The following NME9 variants were observed in gnomAD, a reference collection of about 807,000 sequenced individuals.
NME9 encodes the protein NME/NM23 family member 9, also known as thioredoxin domain-containing protein 6.
Under a neutral mutation model 44.4 loss-of-function variants are expected in NME9, and 48 were observed. The observed-to-expected ratio is 1.08, with a 90% CI of 0.86 to 1.37. The LOEUF (loss-of-function observed/expected upper bound fraction) is 1.37, where lower values mean the gene tolerates loss of function less well. NME9 is among the 40% of genes most tolerant of loss of function. The probability of loss-of-function intolerance (pLI) is 0.00; values close to 1 mark genes in which losing one functional copy is unlikely to be tolerated. For synonymous variants in NME9, 139 were observed against 147.1 expected (o/e 0.94, Z 0.40); for missense variants, 325 against 405.2 (o/e 0.80, Z 1.70).
chr3:138,313,062 G>A (rs558007927), intron 6 of NME9, among the ~76,000 whole-genome samples: 8 of 152,214 alleles, frequency 5.3e-5, no homozygotes, highest in South Asian at 2.1e-4. Context: ...ACAATAAGAT[G>A]TCATCTCACC....
chr3:138,282,962 A>G (rs2050080986), intron 8 of NME9, among the ~76,000 whole-genome samples: 1 of 152,224 alleles, frequency 6.6e-6, no homozygotes, highest in Non-Finnish European at 1.5e-5. Context: ...GTGCTTATGT[A>G]CCAGATCACC....
At position 138,301,541 on chromosome 3, in the gene NME9, A is replaced by C; in HGVS notation, c.*99T>G. 6.7e-7 allele frequency: 1 copy of C among 1,493,660 alleles called. No homozygotes were observed. The highest frequency in any genetic ancestry group is 1.4e-5 in the African/African-American group (1 of 71,422). The allele number at this position is 1,493,660 out of a possible 1,614,324, so 92.5% of individuals were successfully genotyped here. A position where few individuals can be genotyped will look rare whatever the true frequency, so the allele number is the denominator to read the frequency against. On this transcript the variant is annotated 3_prime_UTR_variant, in exon 11 of 11. Transcript: ENST00000333911. ...ATTGTCTACAAAAGACAGCTAAACC[A>C]AAAAGTATTGGTACTCAAAAGAGTA... is the stretch of plus-strand genomic sequence containing the variant.
intron 2 of NME9, among the ~76,000 whole-genome samples, 177 bp from the exon 3 acceptor site, chr3:138,319,758 G>C (rs918404090): frequency 2.6e-5 from 4 of 152,182 alleles, no homozygotes; most frequent in African/African-American, 9.7e-5. Flanking sequence ...AACACAGCTA[G>C]TCCTCATTCT....
intron 8 of NME9, chr3:138,289,244 C>G (rs1237142433): frequency 1.4e-6 from 1 of 720,722 alleles, no homozygotes; most frequent in Non-Finnish European, 2.3e-6. Flanking sequence ...GGCCCAAGCA[C>G]CCTCTAGAGT....
At chr3:138,268,681 C>G (rs1051774397) in intron 8 of NME9, among the ~76,000 whole-genome samples, 5 of 152,044 alleles carry the variant, frequency 3.3e-5, no homozygotes, top group Admixed American at 3.3e-4. Flanking sequence ...GAGGCCGAGG[C>G]AGGAGAATTG....
intron 8 of NME9, among the ~76,000 whole-genome samples, chr3:138,273,471 C>T (rs2048974664): frequency 6.6e-6 from 1 of 152,208 alleles, no homozygotes; most frequent in Non-Finnish European, 1.5e-5. Flanking sequence ...TCTCTGGGGC[C>T]TCTGCTTCTT....
intron 8 of NME9, among the ~76,000 whole-genome samples, chr3:138,292,046 T>C (rs1329940720): frequency 1.3e-5 from 2 of 152,184 alleles, no homozygotes; most frequent in Non-Finnish European, 2.9e-5. Context: ...CTTTCTTTTC[T>C]TTTCTTTCGA....
chr3:138,324,956 G>T, intron 1 of NME9, 26 bp from the exon 2 acceptor site: 3 of 1,592,234 alleles, frequency 1.9e-6, no homozygotes, highest in Non-Finnish European at 2.6e-6. Flanking sequence ...ATCAAATGCC[G>T]TATTACTGAG....
intron 8 of NME9, among the ~76,000 whole-genome samples, chr3:138,271,114 C>A (rs1179750044): frequency 6.6e-6 from 1 of 152,166 alleles, no homozygotes; most frequent in Admixed American, 6.6e-5. Flanking sequence ...GCTATATCTG[C>A]TGTGTTTTTA....
chr3:138,266,906 C>G (rs1474788870), intron 8 of NME9, among the ~76,000 whole-genome samples: 2 of 152,156 alleles, frequency 1.3e-5, no homozygotes, highest in Non-Finnish European at 2.9e-5. Flanking sequence ...ATGTCTCTCT[C>G]CTCCCTGCAA....
At chr3:138,275,298 C>A (rs1198475652) in intron 8 of NME9, among the ~76,000 whole-genome samples, 1 of 152,190 alleles carries the variant, frequency 6.6e-6, no homozygotes, top group Non-Finnish European at 1.5e-5. Flanking sequence ...TGGCTCATGC[C>A]TGTAATCCCA....
rs958361684 is a variant in NME9 at position 138,263,502 on chromosome 3, A to G, written c.746-916T>C. On this transcript the variant is annotated intron_variant, in intron 8 of 8. Transcript: ENST00000317876. ...ATTTTTGTGTTAAATGTCTTTAAAA[A>G]TAAACAACATAACCTGCCCCTTACG... 1.1e-5 allele frequency: 6 copies of G among 532,884 alleles called. No individual in the cohort carries two copies. In the African/African-American group the frequency reaches 1.1e-4, roughly 10 times the overall value. 33.0% of individuals were successfully genotyped at this position (532,884 alleles called of 1,614,324 possible). A position where few individuals can be genotyped will look rare whatever the true frequency, so the allele number is the denominator to read the frequency against.
At chr3:138,280,212 C>CT (rs1040240378) in intron 8 of NME9, among the ~76,000 whole-genome samples, 2 of 151,696 alleles carry the variant, frequency 1.3e-5, no homozygotes, top group African/African-American at 4.8e-5. Flanking sequence ...CTGGTAATTC[C>CT]TTTTTTCCTG....
intron 1 of NME9, among the ~76,000 whole-genome samples, chr3:138,327,826 T>A (rs2053888438): frequency 6.6e-6 from 1 of 152,108 alleles, no homozygotes; most frequent in Non-Finnish European, 1.5e-5. Context: ...CTCAGAGCTC[T>A]GAGTAATACA....
intron 4 of NME9, among the ~76,000 whole-genome samples, 179 bp from the exon 5 acceptor site, chr3:138,315,822 TTTTGTTTG>T (rs555409101): frequency 7.9e-5 from 12 of 152,028 alleles, no homozygotes; most frequent in East Asian, 5.8e-4. Context: ...CTCCTAGGTT[TTTTGTTTG>T]TTTGTTTGTT....
intron 8 of NME9, among the ~76,000 whole-genome samples, chr3:138,274,020 G>C (rs1418539262): frequency 6.6e-6 from 1 of 152,024 alleles, no homozygotes; most frequent in African/African-American, 2.4e-5. Flanking sequence ...GTTTTGCCGT[G>C]TTGGCCAGGC....
intron 8 of NME9, among the ~76,000 whole-genome samples, chr3:138,266,526 TCC>T (rs1240513753): frequency 6.6e-6 from 1 of 152,184 alleles, no homozygotes; most frequent in Non-Finnish European, 1.5e-5. Context: ...CTACGGTACT[TCC>T]CTTATTATTC....
chr3:138,267,486 GTCTA>G (rs994023099), intron 8 of NME9, among the ~76,000 whole-genome samples: 8 of 152,144 alleles, frequency 5.3e-5, no homozygotes, highest in African/African-American at 1.4e-4. Context: ...ACATCTTCAA[GTCTA>G]TCTAAACTGC....
At position 138,276,988 on chromosome 3, in the gene NME9, A is replaced by G. The variant is rs2049356760; in HGVS notation, c.746-14402T>C. Among the ~76,000 whole-genome samples, 2 of 152,244 alleles carry G rather than the reference A, an allele frequency of 1.3e-5. 1 individual carries two copies. The highest frequency in any genetic ancestry group is 1.3e-4 in the Admixed American group (2 of 15,282). On this transcript the variant is annotated intron_variant, in intron 8 of 8. Coordinates refer to the NME9 transcript ENST00000317876. ...CAGTTTGGAAGAAAAAACAGGAACA[A>G]TTGGAGGATTCACAACACCTTGTTT...
Sources: allele counts gnomAD v4.1 joint callset (sites outside exome capture counted in the v4.1 genomes callset), GRCh38; gene constraint gnomAD v4.1.1; transcripts MANE v1.5; gene names NCBI Gene and HGNC (gene_info 2026-07-23, HGNC 2026-07-21).